The following CENPI variants were observed in gnomAD, a reference collection of about 807,000 sequenced individuals.
The protein encoded by CENPI is centromere protein I.
Under a neutral mutation model 60.4 loss-of-function variants are expected in CENPI, and 4 were observed. The ratio of observed to expected loss-of-function variants is 0.07; its 90% CI spans 0.03 to 0.15. The LOEUF is 0.15. Among genes scored for constraint, CENPI ranks in the 10% least tolerant of loss-of-function variants. The probability of loss-of-function intolerance (pLI) is 1.00; values close to 1 mark genes in which losing one functional copy is unlikely to be tolerated. For missense variants in CENPI, 444 were observed against 534.5 expected, an observed-to-expected ratio of 0.83 and a Z score of 1.67; for synonymous variants, 157 against 189.4, an observed-to-expected ratio of 0.83 and a Z score of 1.40.
intron 2 of CENPI, chrX:101,100,771 G>C: frequency 3.6e-6 from 1 of 275,313 alleles, no homozygotes; most frequent in Non-Finnish European, 6.4e-6. Context: ...CATTCTAAGA[G>C]AGAACTTGCA....
chrX:101,130,150 C>A, intron 13 of CENPI, 77 bp downstream of exon 13: 2 of 752,112 alleles, frequency 2.7e-6, no homozygotes, highest in Non-Finnish European at 4.0e-6. Context: ...AAAACCTTTT[C>A]TTGCCCGGCT....
At chrX:101,133,051 G>A (rs7061893) in intron 15 of CENPI, among the ~76,000 whole-genome samples, 32,884 of 109,909 alleles carry the variant, frequency 0.3, 3,894 homozygotes, top group African/African-American at 0.42. Flanking sequence ...TCCTATTCTA[G>A]AAGAGGGGCA....
chrX:101,175,503 G>A, the CENPI span, among the ~76,000 whole-genome samples: 4 of 112,175 alleles, frequency 3.6e-5, no homozygotes, highest in African/African-American at 6.5e-5. Flanking sequence ...TGGGGAGTTA[G>A]AATAAAATTG....
chrX:101,106,871 G>A (rs1011093791), intron 4 of CENPI, among the ~76,000 whole-genome samples: 15 of 109,598 alleles, frequency 1.4e-4, no homozygotes, highest in African/African-American at 5.0e-4. Flanking sequence ...GACCAGCCTG[G>A]GCAACATAGT....
chrX:101,112,317 C>T (rs1005146318), intron 6 of CENPI, among the ~76,000 whole-genome samples: 1 of 111,782 alleles, frequency 8.9e-6, no homozygotes, highest in Non-Finnish European at 1.9e-5. Flanking sequence ...AATGTGTCAG[C>T]ATTTGGAAGC....
intron 20 of CENPI, among the ~76,000 whole-genome samples, chrX:101,157,430 G>A (rs968183728): frequency 4.5e-5 from 5 of 110,809 alleles, no homozygotes; most frequent in Admixed American, 9.7e-5. Flanking sequence ...GGAGGATTGC[G>A]TGAGCCCAGG....
intron 18 of CENPI, among the ~76,000 whole-genome samples, chrX:101,146,837 C>T (rs898723967): frequency 8.1e-5 from 9 of 110,910 alleles, no homozygotes; most frequent in African/African-American, 2.6e-4. Flanking sequence ...CGGGTTCAAG[C>T]GATTCTCCCC....
chrX:101,135,869 C>T (rs2089842749), intron 15 of CENPI, among the ~76,000 whole-genome samples: 1 of 111,323 alleles, frequency 9.0e-6, no homozygotes, highest in Non-Finnish European at 1.9e-5. Context: ...AACAGGCGCC[C>T]ACCACCACAC....
chrX:101,162,357 G>A (rs2090115785), intron 21 of CENPI, among the ~76,000 whole-genome samples: 2 of 105,676 alleles, frequency 1.9e-5, no homozygotes, highest in African/African-American at 6.9e-5. Flanking sequence ...GGGAGGCTGA[G>A]GCAGGAGGAT....
intron 13 of CENPI, 41 bp downstream of exon 13, chrX:101,130,114 A>T (rs1344072579): frequency 1.0e-6 from 1 of 960,078 alleles, no homozygotes. Context: ...ACCACTCTTT[A>T]CTAAAATTTA....
At chrX:101,152,199 A>C (rs889705205) in intron 20 of CENPI, among the ~76,000 whole-genome samples, 1 of 106,838 alleles carries the variant, frequency 9.4e-6, no homozygotes, top group African/African-American at 3.4e-5. Flanking sequence ...GATAGCTGGG[A>C]TTACAGGCAC....
intron 15 of CENPI, among the ~76,000 whole-genome samples, chrX:101,137,150 T>C (rs1489822036): frequency 8.9e-6 from 1 of 112,116 alleles, no homozygotes; most frequent in Non-Finnish European, 1.9e-5. Context: ...TGGCTTCAAA[T>C]GATCCTTTCA....
chrX:101,109,792 C>T (rs1274097387), intron 5 of CENPI, 99 bp from the exon 6 acceptor site: 4 of 624,563 alleles, frequency 6.4e-6, no homozygotes, highest in African/African-American at 4.5e-5. Context: ...GTGCCTGAAG[C>T]TTCTAAAATA....
chrX:101,104,589 A>G (rs1401013483), intron 4 of CENPI, among the ~76,000 whole-genome samples: 1 of 111,650 alleles, frequency 9.0e-6, no homozygotes, highest in Non-Finnish European at 1.9e-5. Context: ...GGCTGGGTAT[A>G]GTGGCTCATG....
At chrX:101,162,699 C>A in intron 21 of CENPI, 134 bp from the exon 22 acceptor site, 1 of 631,833 alleles carries the variant, frequency 1.6e-6, no homozygotes, top group African/African-American at 2.2e-5. Context: ...AGTGACTGAG[C>A]TCATTTCCCC....
At chrX:101,122,521 AT>A (rs1404994318) in intron 8 of CENPI, among the ~76,000 whole-genome samples, 1 of 112,015 alleles carries the variant, frequency 8.9e-6, no homozygotes, top group Non-Finnish European at 1.9e-5. Context: ...TATGAAAAAA[AT>A]GTACCTTTTC....
intron 8 of CENPI, among the ~76,000 whole-genome samples, chrX:101,126,288 A>T (rs1377173563): frequency 8.9e-6 from 1 of 111,933 alleles, no homozygotes; most frequent in African/African-American, 3.2e-5. Flanking sequence ...AATTTCCTAG[A>T]TAATTTTCCA....
chrX:101,174,687 G>T, the CENPI span, among the ~76,000 whole-genome samples: 2 of 110,888 alleles, frequency 1.8e-5, no homozygotes, highest in Non-Finnish European at 3.8e-5. Flanking sequence ...GGGAGCAAGA[G>T]TTGAAAAACT....
At chrX:101,154,535 C>A (rs1273211124) in intron 20 of CENPI, among the ~76,000 whole-genome samples, 3 of 111,021 alleles carry the variant, frequency 2.7e-5, no homozygotes, top group Non-Finnish European at 5.7e-5. Context: ...GAGCTGAGGT[C>A]GTGCCACTTC....
Sources: allele counts gnomAD v4.1 joint callset (sites outside exome capture counted in the v4.1 genomes callset), GRCh38; gene constraint gnomAD v4.1.1; transcripts MANE v1.5; gene names NCBI Gene and HGNC (gene_info 2026-07-23, HGNC 2026-07-21).